Variants in MAGI2 observed in about 807,000 individuals in gnomAD.
The protein encoded by MAGI2 is membrane-associated guanylate kinase, WW and PDZ domain-containing protein 2.
In MAGI2, 35 loss-of-function variants were observed where a neutral mutation model predicts 133.3. The ratio of observed to expected loss-of-function variants is 0.26; its 90% confidence interval spans 0.20 to 0.35. The LOEUF is 0.35. MAGI2 is among the 10% of genes least tolerant of loss of function. The pLI, the probability that MAGI2 is intolerant of heterozygous loss-of-function variation, is 1.00. For missense variants in MAGI2, 1,636 were observed against 1,863.4 expected, an observed-to-expected ratio of 0.88 and a Z score of 2.25; for synonymous variants, 729 against 710.6, an observed-to-expected ratio of 1.03 and a Z score of -0.41.
chr7:79,220,512 C>G lies in MAGI2; in HGVS notation c.302-213306G>C, dbSNP rs147719936. On this transcript the variant is annotated intron_variant, in intron 1 of 21. Coordinates refer to ENST00000354212, the MANE Select transcript of MAGI2 (RefSeq NM_012301.4). The stretch of plus-strand genomic sequence containing the variant: ...CTCCTCACTCTCACACACACAGGAA[C>G]AGAAAGCCAGCATCCTCCATGCACT... 2.2e-4 allele frequency among the ~76,000 whole-genome samples: 33 copies of G among 152,116 alleles called. 1 individual carries two copies. The highest frequency in any genetic ancestry group is 8.0e-4 in the African/African-American group (33 of 41,420).
chr7:78,076,809 G>T lies in MAGI2; in HGVS notation c.3706+2138C>A, dbSNP rs1268642957. ...TGCAGTGAGCCGAGATTGCGCCACT[G>T]CAGTCCGCAGTCCGGCCTGGGCGAC... On this transcript the variant is annotated intron_variant, in intron 21 of 21. Transcript: ENST00000354212. 4.9e-5 allele frequency among the ~76,000 whole-genome samples: 6 copies of T among 122,204 alleles called. No individual in the cohort carries two copies. In the East Asian group the frequency reaches 1.0e-3, roughly 21 times the overall value. The allele number at this position is 122,204 out of a possible 152,430, so 80.2% of individuals were successfully genotyped here.
chr7:79,016,424 T>C (rs1808739114), intron 1 of MAGI2, among the ~76,000 whole-genome samples: 2 of 152,066 alleles, frequency 1.3e-5, no homozygotes, highest in Admixed American at 6.5e-5. Flanking sequence ...GCACGCATCA[T>C]AGCTCCTGCA....
intron 6 of MAGI2, among the ~76,000 whole-genome samples, chr7:78,415,030 A>G (rs947378820): frequency 2.0e-5 from 3 of 152,136 alleles, no homozygotes; most frequent in Admixed American, 2.0e-4. Context: ...TTTCATAAAA[A>G]GGTCCAACTT....
chr7:78,620,203 G>C (rs1807580875), intron 3 of MAGI2, among the ~76,000 whole-genome samples: 2 of 151,890 alleles, frequency 1.3e-5, no homozygotes, highest in South Asian at 4.1e-4. Flanking sequence ...ATAGAAATTT[G>C]AACTGATAGA....
At chr7:78,845,954 A>G (rs1792566663) in intron 2 of MAGI2, among the ~76,000 whole-genome samples, 2 of 151,956 alleles carry the variant, frequency 1.3e-5, no homozygotes, top group Admixed American at 1.3e-4. Context: ...AATGTGGCAA[A>G]GATACTTCTG....
chr7:79,409,304 T>A (rs1846002679), intron 1 of MAGI2, among the ~76,000 whole-genome samples: 1 of 152,130 alleles, frequency 6.6e-6, no homozygotes, highest in South Asian at 2.1e-4. Context: ...CCCTCTTATT[T>A]TTTTAAGATG....
Position 78,377,635 on chromosome 7 carries a change from T to C in MAGI2, c.1046-8422A>G, listed in dbSNP as rs1178170165. ...AGTTCATAAGACACACCAACTACTC[T>C]GCAAAAAATAATAATAATAATAAAA... On this transcript the variant is annotated intron_variant, in intron 6 of 21. Transcript: ENST00000354212. Among the ~76,000 whole-genome samples the C allele has an allele frequency of 1.1e-4, 5 of 44,996 alleles. No individual in the cohort carries two copies. In the East Asian group the frequency reaches 3.2e-3, roughly 28 times the overall value. 29.5% of individuals were successfully genotyped at this position (44,996 alleles called of 152,430 possible).
At chr7:79,275,199 T>C (rs1033368041) in intron 1 of MAGI2, among the ~76,000 whole-genome samples, 4 of 152,188 alleles carry the variant, frequency 2.6e-5, no homozygotes, top group African/African-American at 4.8e-5. Context: ...AGCCCTCTTG[T>C]AGCAAACAGT....
chr7:79,438,757 A>G (rs1848309562), intron 1 of MAGI2, among the ~76,000 whole-genome samples: 2 of 152,060 alleles, frequency 1.3e-5, no homozygotes, highest in South Asian at 4.1e-4. Context: ...CCCAGTACTC[A>G]TGCCAAAACT....
At chr7:78,484,052 A>C (rs908942361) in intron 6 of MAGI2, 8 of 151,958 alleles carry the variant, frequency 5.3e-5, no homozygotes, top group Admixed American at 2.6e-4. Context: ...ACTAATTATC[A>C]AAACAAATTT....
intron 9 of MAGI2, among the ~76,000 whole-genome samples, chr7:78,273,431 G>A (rs541993873): frequency 1.3e-5 from 2 of 152,168 alleles, no homozygotes; most frequent in South Asian, 4.2e-4. Context: ...TGCTCTTCTC[G>A]AGGAGTATCT....
At chr7:79,379,166 G>T (rs1013641214) in intron 1 of MAGI2, among the ~76,000 whole-genome samples, 4 of 146,266 alleles carry the variant, frequency 2.7e-5, no homozygotes, top group African/African-American at 5.0e-5. Flanking sequence ...CTGTGTCCAA[G>T]TGTTCTCATT....
chr7:78,437,128 A>G (rs561171243), intron 6 of MAGI2, among the ~76,000 whole-genome samples: 6 of 152,274 alleles, frequency 3.9e-5, no homozygotes, highest in Middle Eastern at 3.4e-3. Context: ...CCTGTTAGCG[A>G]CAGAAATGCT....
At chr7:78,751,894 GT>G (rs1178298101) in intron 2 of MAGI2, among the ~76,000 whole-genome samples, 1 of 152,206 alleles carries the variant, frequency 6.6e-6, no homozygotes, top group Non-Finnish European at 1.5e-5. Context: ...AAGTTCTATT[GT>G]TTTATGGCTT....
chr7:78,914,157 G>A (rs1015390722), intron 2 of MAGI2, among the ~76,000 whole-genome samples: 7 of 152,152 alleles, frequency 4.6e-5, no homozygotes, highest in Non-Finnish European at 8.8e-5. Context: ...CCCTTCAAAT[G>A]AACTGTAAAC....
chr7:78,969,332 C>T (rs560072718), intron 2 of MAGI2, among the ~76,000 whole-genome samples: 1 of 152,138 alleles, frequency 6.6e-6, no homozygotes, highest in East Asian at 1.9e-4. Flanking sequence ...GATAGCGTTC[C>T]GCCCAAACGT....
At chr7:78,667,011 G>A (rs73380216) in intron 2 of MAGI2, among the ~76,000 whole-genome samples, 2,333 of 151,694 alleles carry the variant, frequency 0.015, 69 homozygotes, top group African/African-American at 0.053. Context: ...CAAACATAGA[G>A]AGTTGATCTT....
Position 79,011,284 on chromosome 7 carries a change from A to G in MAGI2, c.302-4078T>C, listed in dbSNP as rs144084825. Among the ~76,000 whole-genome samples the G allele has an allele frequency of 2.0e-3, 298 of 152,278 alleles. 2 individuals carry two copies. The highest frequency in any genetic ancestry group is 6.8e-3 in the African/African-American group (283 of 41,566). The stretch of plus-strand genomic sequence containing the variant: ...CTGCTTTGTCATTTCTATTACTTGA[A>G]TACGTAGACTGAGGAAACAAAGGAA... On this transcript the variant is annotated intron_variant, in intron 1 of 21. Coordinates refer to ENST00000354212, the MANE Select transcript of MAGI2 (RefSeq NM_012301.4).
Position 79,171,770 on chromosome 7 carries a change from A to ATATATATATTTTTT in MAGI2, c.302-164565_302-164564insAAAAAATATATATA. On this transcript the variant is annotated intron_variant, in intron 1 of 21. Coordinates refer to ENST00000354212, the MANE Select transcript of MAGI2 (RefSeq NM_012301.4). ...TATATATATATATATATATATATAT[A>ATATATATATTTTTT]TTTTTTTTTTTTTTTTCTTTTAAAG... Among the ~76,000 whole-genome samples, 26 of 31,210 alleles carry ATATATATATTTTTT rather than the reference A, an allele frequency of 8.3e-4. 1 individual carries two copies. Among genetic ancestry groups the ATATATATATTTTTT allele is most frequent in the East Asian group, 3.3e-3 (5 of 1,532 alleles). The allele number at this position is 31,210 out of a possible 152,430, so 20.5% of individuals were successfully genotyped here.
Sources: gnomAD v4.1 joint callset for allele counts (sites outside exome capture counted in the v4.1 genomes callset) on GRCh38, gnomAD v4.1.1 for gene constraint, MANE v1.5 for transcripts, NCBI Gene and HGNC (gene_info 2026-07-23, HGNC 2026-07-21) for gene names.